Variants in CHMP2A observed in about 807,000 individuals in gnomAD.
The protein encoded by CHMP2A is charged multivesicular body protein 2A.
A neutral mutation model predicts 21.8 loss-of-function variants in CHMP2A; 6 were observed. That is an observed-to-expected ratio of 0.28 (90% CI 0.15 to 0.54). The LOEUF (loss-of-function observed/expected upper bound fraction) is 0.54, where lower values mean the gene tolerates loss of function less well. CHMP2A is among the 20% of genes least tolerant of loss of function. CHMP2A has a pLI of 0.95. For synonymous variants in CHMP2A, 125 were observed against 107.0 expected (o/e 1.17, Z -1.04); for missense variants, 303 against 293.9 (o/e 1.03, Z -0.23).
intron 2 of CHMP2A, 97 bp downstream of exon 2, chr19:58,553,948 T>A: frequency 2.0e-6 from 3 of 1,509,874 alleles, no homozygotes; most frequent in Middle Eastern, 3.4e-4. Flanking sequence ...CCACTCGTTT[T>A]GCTGAAAGCA....
At chr19:58,553,520 C>T (rs953699883) in intron 2 of CHMP2A, among the ~76,000 whole-genome samples, 4 of 151,514 alleles carry the variant, frequency 2.6e-5, no homozygotes, top group East Asian at 1.9e-4. Flanking sequence ...TACAGGCGTG[C>T]GCCACCATGC....
chr19:58,554,207 G>A lies in CHMP2A; in HGVS notation c.6C>T (p.Asp2=). 7 of 1,610,626 alleles carry A rather than the reference G, an allele frequency of 4.3e-6. No individual in the cohort carries two copies. Among genetic ancestry groups the A allele is most frequent in the Non-Finnish European group, 5.1e-6 (6 of 1,178,258 alleles). The change falls in exon 2 of 6, where the codon GAC becomes GAT. Residue 2 remains aspartate, a synonymous_variant. Coordinates refer to ENST00000312547, the MANE Select transcript of CHMP2A (RefSeq NM_014453.4). ...GCGTCTTCCGGCGCCCGAACAATAG[G>A]TCCATGATGGTAGAAGCTCACTGGC... M[D]LLFGRRKTPE...
chr19:58,552,026 C>T (rs2053833815), intron 4 of CHMP2A, 29 bp downstream of exon 4: 4 of 1,614,096 alleles, frequency 2.5e-6, no homozygotes, highest in Non-Finnish European at 3.4e-6. Flanking sequence ...AGGCAAACAT[C>T]TCCACCCTCC....
intron 1 of CHMP2A, 164 bp from the exon 2 acceptor site, chr19:58,554,400 G>A (rs2053868393): frequency 9.7e-6 from 6 of 618,890 alleles, no homozygotes; most frequent in South Asian, 4.3e-5. Context: ...GGATTGTCCC[G>A]GGGACACATA....
Position 58,554,209 on chromosome 19 carries a change from C to G in CHMP2A, c.4G>C (p.Asp2His). ...GTCTTCCGGCGCCCGAACAATAGGT[C>G]CATGATGGTAGAAGCTCACTGGCAG... is the stretch of plus-strand genomic sequence containing the variant. M[D>H]LLFGRRKTPE... Residue 2 changes from aspartate (D) to histidine (H), a missense_variant, in exon 2 of 6, where the codon GAC becomes CAC. By Grantham distance (81) the Asp-to-His change is moderately conservative. Transcript: ENST00000312547. 6.2e-7 allele frequency: 1 copy of G among 1,610,590 alleles called. No homozygotes were observed. The highest frequency in any genetic ancestry group is 8.5e-7 in the Non-Finnish European group (1 of 1,178,238).
In CHMP2A at chr19:58,554,249, T is replaced by G. The variant is rs1600089398; in HGVS notation, c.-24-13A>C. On this transcript the variant is annotated splice_polypyrimidine_tract_variant and intron_variant, in intron 1 of 5. Transcript: ENST00000312547. Reference sequence around the variant, plus strand: ...CTCACTGGCAGGCCTGAGACAGATGTGAGTGAGGCCCAGTTGTAGGGCATG... The same window carrying G: ...CTCACTGGCAGGCCTGAGACAGATGGGAGTGAGGCCCAGTTGTAGGGCATG... 6.3e-7 allele frequency: 1 copy of G among 1,591,314 alleles called. No individual in the cohort carries two copies. Among genetic ancestry groups the G allele is most frequent in the South Asian group, 1.1e-5 (1 of 89,536 alleles).
intron 2 of CHMP2A, among the ~76,000 whole-genome samples, chr19:58,552,674 T>C (rs919695033): frequency 6.6e-6 from 1 of 152,210 alleles, no homozygotes; most frequent in Non-Finnish European, 1.5e-5. Context: ...TCACTTCTCT[T>C]GATCTGTAAA....
In CHMP2A at chr19:58,552,311, A is replaced by G. The variant is rs745397145; in HGVS notation, c.296T>C (p.Met99Thr). ...KIQTLKSNNS[M>T]AQAMKGVTKA... ...GGTGACACCCTTCATGGCTTGTGCC[A>G]TCGAGTTGTTGGACTTGAGTGTCTG... The change falls in exon 3 of 6, where the codon ATG becomes ACG. Residue 99 changes from methionine to threonine, a missense_variant. Coordinates refer to ENST00000312547, the MANE Select transcript of CHMP2A (RefSeq NM_014453.4). 1 of 1,614,232 alleles carries G rather than the reference A, an allele frequency of 6.2e-7. No individual in the cohort carries two copies. The highest frequency in any genetic ancestry group is 1.1e-5 in the South Asian group (1 of 91,088).
chr19:58,551,840 A>G, intron 5 of CHMP2A, 64 bp from the exon 6 acceptor site: 1 of 1,614,018 alleles, frequency 6.2e-7, no homozygotes, highest in Non-Finnish European at 8.5e-7. Flanking sequence ...ATGCAGGGAA[A>G]GGGAGGGCTT....
At chr19:58,554,515 C>G (rs984589991) in intron 1 of CHMP2A, 17 of 388,616 alleles carry the variant, frequency 4.4e-5, no homozygotes, top group Non-Finnish European at 6.6e-5. Flanking sequence ...GCTTCCCTCT[C>G]CAGAACTATG....
At chr19:58,552,566 T>A in intron 2 of CHMP2A, 128 bp from the exon 3 acceptor site, 1 of 914,998 alleles carries the variant, frequency 1.1e-6, no homozygotes. Context: ...CCAGAGACTC[T>A]GGCTAACCCA....
At chr19:58,553,393 C>CA (rs1568667416) in intron 2 of CHMP2A, among the ~76,000 whole-genome samples, 1 of 114,814 alleles carries the variant, frequency 8.7e-6, no homozygotes, top group Non-Finnish European at 1.7e-5. Context: ...TTTTTTGAGA[C>CA]AGAGTCTCGC....
chr19:58,552,645 C>G (rs896103629), intron 2 of CHMP2A, among the ~76,000 whole-genome samples: 2 of 152,196 alleles, frequency 1.3e-5, no homozygotes, highest in African/African-American at 4.8e-5. Flanking sequence ...ACTCCCTGGG[C>G]TCCTTTGTAA....
At position 58,552,216 on chromosome 19, in the gene CHMP2A, C is replaced by T. The variant is rs770406932; in HGVS notation, c.349-31G>A. 1.9e-6 allele frequency: 3 copies of T among 1,614,134 alleles called. No homozygotes were observed. In the Admixed American group the frequency reaches 5.0e-5, roughly 27 times the overall value. The stretch of plus-strand genomic sequence containing the variant: ...AGTGACAGGAGTGTGAGTGTGATCC[C>T]CATGGGTCGTGGGAGTGGGAAGGGG... On this transcript the variant is annotated intron_variant, in intron 3 of 5. Coordinates refer to ENST00000312547, the MANE Select transcript of CHMP2A (RefSeq NM_014453.4).
At chr19:58,553,224 A>C (rs1351139237) in intron 2 of CHMP2A, among the ~76,000 whole-genome samples, 2 of 151,276 alleles carry the variant, frequency 1.3e-5, no homozygotes, top group Non-Finnish European at 2.9e-5. Context: ...TGCCCGGCTA[A>C]TTTTTGGTAG....
intron 1 of CHMP2A, 112 bp downstream of exon 1, chr19:58,554,873 TGAC>T (rs1362650890): frequency 6.6e-6 from 1 of 152,254 alleles, no homozygotes; most frequent in Non-Finnish European, 1.5e-5. Flanking sequence ...ACCTCGATGT[TGAC>T]GACAGGGTCC....
At position 58,555,077 on chromosome 19, in the gene CHMP2A, C is replaced by G. The variant is rs1165016104; in HGVS notation, c.-114G>C. On this transcript the variant is annotated 5_prime_UTR_variant, in exon 1 of 6. Transcript: ENST00000312547. Reference sequence around the variant, plus strand: ...TGCCCACCAACTAAGGCCCCTCGGTCCTGTCGCCGCCGCCGCCGTTTCCGG... The same window carrying G: ...TGCCCACCAACTAAGGCCCCTCGGTGCTGTCGCCGCCGCCGCCGTTTCCGG... 6.6e-6 allele frequency: 1 copy of G among 152,450 alleles called. No individual in the cohort carries two copies. Among genetic ancestry groups the G allele is most frequent in the Non-Finnish European group, 1.5e-5 (1 of 68,192 alleles). The allele number at this position is 152,450 out of a possible 1,614,324, so 9.4% of individuals were successfully genotyped here.
At position 58,552,142 on chromosome 19, in the gene CHMP2A, C is replaced by T. The variant is rs753785301; in HGVS notation, c.392G>A (p.Arg131Gln). 16 of 1,614,082 alleles carry T rather than the reference C, an allele frequency of 9.9e-6. No homozygotes were observed. The highest frequency in any genetic ancestry group is 4.4e-5 in the South Asian group (4 of 91,090). ...CTTCATATCCATGATCTCTGCCTGC[C>T]GCTCAAACTCCATCATGATCTTCTG... ...QIQKIMMEFE[R>Q]QAEIMDMKEE... The change falls in exon 4 of 6, where the codon CGG becomes CAG. Residue 131 changes from arginine to glutamine, a missense_variant. Coordinates refer to ENST00000312547, the MANE Select transcript of CHMP2A (RefSeq NM_014453.4).
Position 58,554,069 on chromosome 19 carries a change from C to T in CHMP2A, c.144G>A (p.Lys48=), listed in dbSNP as rs2053863679. The T allele has an allele frequency of 1.2e-6, 2 of 1,614,062 alleles. No individual in the cohort carries two copies. Among genetic ancestry groups the T allele is most frequent in the Middle Eastern group, 1.6e-4 (1 of 6,062 alleles). The change falls in exon 2 of 6, where the codon AAG becomes AAA. Residue 48 remains lysine, a synonymous_variant. Transcript: ENST00000312547. ...TQEKKIIADI[K]KMAKQGQMDA... The stretch of plus-strand genomic sequence containing the variant: ...CCATCTGGCCTTGCTTGGCCATCTT[C>T]TTAATGTCTGCAATGATTTTCTTCT...
Sources: gnomAD v4.1 joint callset for allele counts (sites outside exome capture counted in the v4.1 genomes callset) on GRCh38, gnomAD v4.1.1 for gene constraint, MANE v1.5 for transcripts, NCBI Gene and HGNC (gene_info 2026-07-23, HGNC 2026-07-21) for gene names.